Variants in MACROD2 observed in about 807,000 individuals in gnomAD.
MACROD2 encodes the protein mono-ADP ribosylhydrolase 2, also known as ADP-ribose glycohydrolase MACROD2.
Under a neutral mutation model 70.4 loss-of-function variants are expected in MACROD2, and 36 were observed. The observed-to-expected ratio is 0.51, with a 90% confidence interval of 0.39 to 0.68. The LOEUF is 0.68. Ranked by LOEUF, MACROD2 falls within the 30% of genes least tolerant of loss-of-function variation. MACROD2 has a pLI of 0.00. For missense variants in MACROD2, 496 were observed against 538.4 expected (o/e 0.92, Z 0.78); for synonymous variants, 172 against 178.8 (o/e 0.96, Z 0.30).
Position 14,625,478 on chromosome 20 carries a change from C to T in MACROD2, c.302-59365C>T, listed in dbSNP as rs973130672. Among the ~76,000 whole-genome samples the T allele has an allele frequency of 4.6e-4, 70 of 152,144 alleles. 1 individual carries two copies. The highest frequency in any genetic ancestry group is 1.2e-3 in the Admixed American group (19 of 15,286). On this transcript the variant is annotated intron_variant, in intron 4 of 17. Transcript: ENST00000684519. ...GAGGGCAATCACCACCGAAAAAGCT[C>T]TAAAAATAAAATAGAGAAAATGACC...
At chr20:14,362,105 A>G (rs1403782735) in intron 3 of MACROD2, among the ~76,000 whole-genome samples, 1 of 152,234 alleles carries the variant, frequency 6.6e-6, no homozygotes, top group East Asian at 1.9e-4. Flanking sequence ...CCCATAAGAC[A>G]AAGTCCTAAG....
At chr20:15,948,382 CAAAAAAAAAAAA>C (rs71192307) in intron 12 of MACROD2, among the ~76,000 whole-genome samples, 10 of 43,128 alleles carry the variant, frequency 2.3e-4, no homozygotes, top group Admixed American at 1.5e-3. Context: ...CTTGCAACTG[CAAAAAAAAAAAA>C]AAAAAAAAAA....
intron 8 of MACROD2, among the ~76,000 whole-genome samples, chr20:15,553,634 A>G (rs1025177630): frequency 1.3e-5 from 2 of 152,114 alleles, no homozygotes; most frequent in Non-Finnish European, 2.9e-5. Flanking sequence ...TGCCCAGGCC[A>G]GTCCTGAACT....
chr20:14,665,181 C>T (rs1380337474), intron 4 of MACROD2, among the ~76,000 whole-genome samples: 2 of 152,070 alleles, frequency 1.3e-5, no homozygotes, highest in Non-Finnish European at 2.9e-5. Context: ...GTACACAACG[C>T]ATGACAGGTG....
chr20:15,611,008 T>TTTTTTTTTG (rs2048961130), intron 8 of MACROD2, among the ~76,000 whole-genome samples: 1 of 141,470 alleles, frequency 7.1e-6, no homozygotes, highest in Non-Finnish European at 1.5e-5. Context: ...TTTTTTTTTT[T>TTTTTTTTTG]TTTTTTTTGC....
chr20:15,356,987 G>A (rs746056496), intron 6 of MACROD2, among the ~76,000 whole-genome samples: 1 of 152,216 alleles, frequency 6.6e-6, no homozygotes, highest in Non-Finnish European at 1.5e-5. Context: ...GTCAGAAAAG[G>A]ATAACTTGGA....
At chr20:14,768,152 C>T (rs2072116441) in intron 5 of MACROD2, among the ~76,000 whole-genome samples, 1 of 151,886 alleles carries the variant, frequency 6.6e-6, no homozygotes, top group Non-Finnish European at 1.5e-5. Context: ...GTGTATATAC[C>T]CAGTAATGGG....
chr20:14,697,560 A>G (rs2071141460), intron 5 of MACROD2, among the ~76,000 whole-genome samples: 1 of 152,212 alleles, frequency 6.6e-6, no homozygotes, highest in African/African-American at 2.4e-5. Flanking sequence ...ACACATTCAT[A>G]TCACACTACA....
chr20:14,813,167 TTAA>T (rs1487680767), intron 5 of MACROD2, among the ~76,000 whole-genome samples: 2 of 152,048 alleles, frequency 1.3e-5, no homozygotes, highest in Non-Finnish European at 1.5e-5. Flanking sequence ...AATATGAAAA[TTAA>T]TAATTTCTTT....
At chr20:14,984,346 TG>T (rs1331424728) in intron 5 of MACROD2, among the ~76,000 whole-genome samples, 2 of 152,160 alleles carry the variant, frequency 1.3e-5, no homozygotes, top group African/African-American at 4.8e-5. Flanking sequence ...AATAGGTTTT[TG>T]TTTGTTTGTT....
intron 5 of MACROD2, among the ~76,000 whole-genome samples, chr20:15,125,170 A>G (rs1010059549): frequency 5.3e-5 from 8 of 152,062 alleles, no homozygotes; most frequent in Non-Finnish European, 1.2e-4. Flanking sequence ...ATCCCTATAT[A>G]TATATTAAGT....
chr20:14,774,501 C>T (rs926622401), intron 5 of MACROD2, among the ~76,000 whole-genome samples: 30 of 152,052 alleles, frequency 2.0e-4, no homozygotes, highest in African/African-American at 7.2e-4. Context: ...TGTGAATTAG[C>T]TTCCCCAGCA....
At chr20:14,210,360 A>G (rs769159614) in intron 3 of MACROD2, among the ~76,000 whole-genome samples, 1 of 152,186 alleles carries the variant, frequency 6.6e-6, no homozygotes, top group Non-Finnish European at 1.5e-5. Context: ...GTAGGAACCT[A>G]TGTCGGCACC....
At chr20:15,842,468 CTTTTTT>C (rs3071404) in intron 8 of MACROD2, among the ~76,000 whole-genome samples, 1 of 137,448 alleles carries the variant, frequency 7.3e-6, no homozygotes, top group African/African-American at 2.7e-5. Context: ...TTTTTTTCAT[CTTTTTT>C]TTTTTTTTGC....
chr20:14,570,846 T>C (rs1165763925), intron 4 of MACROD2, among the ~76,000 whole-genome samples: 1 of 152,004 alleles, frequency 6.6e-6, no homozygotes, highest in African/African-American at 2.4e-5. Context: ...AGAATAATGG[T>C]CAGTTCAAAA....
chr20:15,701,453 C>T (rs992099625), intron 8 of MACROD2, among the ~76,000 whole-genome samples: 11 of 152,150 alleles, frequency 7.2e-5, no homozygotes, highest in Admixed American at 2.0e-4. Context: ...TATATATTTA[C>T]TTCTTTTAAG....
chr20:15,160,064 G>C (rs1166007168), intron 5 of MACROD2, among the ~76,000 whole-genome samples: 2 of 119,832 alleles, frequency 1.7e-5, no homozygotes, highest in Non-Finnish European at 3.4e-5. Flanking sequence ...TGTAAATGGA[G>C]ACAGGGCATG....
At chr20:14,350,196 G>A (rs2083109547) in intron 3 of MACROD2, among the ~76,000 whole-genome samples, 2 of 152,110 alleles carry the variant, frequency 1.3e-5, no homozygotes, top group African/African-American at 4.8e-5. Context: ...ACATGAGCGT[G>A]CAAATATTTC....
chr20:15,274,313 A>G (rs1475893623), intron 6 of MACROD2, among the ~76,000 whole-genome samples: 2 of 152,226 alleles, frequency 1.3e-5, no homozygotes, highest in East Asian at 1.9e-4. Context: ...AACTCATTAC[A>G]GTTAGACTCC....
Sources: gnomAD v4.1 joint callset for allele counts (sites outside exome capture counted in the v4.1 genomes callset) on GRCh38, gnomAD v4.1.1 for gene constraint, MANE v1.5 for transcripts, NCBI Gene and HGNC (gene_info 2026-07-23, HGNC 2026-07-21) for gene names.